The following PBX3 variants were observed in gnomAD, a reference collection of about 807,000 sequenced individuals.
PBX3 encodes PBX homeobox 3.
PBX3 carries 14 observed loss-of-function variants against 48.5 expected under a neutral mutation model. The ratio of observed to expected loss-of-function variants is 0.29; its 90% CI spans 0.19 to 0.45. The LOEUF is 0.45. Among genes scored for constraint, PBX3 ranks in the 20% least tolerant of loss-of-function variants. The pLI is 1.00. For missense variants in PBX3, 386 were observed against 546.7 expected, an observed-to-expected ratio of 0.71 and a Z score of 2.93; for synonymous variants, 210 against 200.3, an observed-to-expected ratio of 1.05 and a Z score of -0.41.
intron 2 of PBX3, among the ~76,000 whole-genome samples, chr9:125,891,743 A>ATG (rs1415040703): frequency 6.6e-6 from 1 of 152,208 alleles, no homozygotes; most frequent in East Asian, 1.9e-4. Context: ...ATGTGTATCT[A>ATG]TGTATCATTA....
At chr9:125,903,758 T>C (rs1841005431) in intron 2 of PBX3, among the ~76,000 whole-genome samples, 2 of 151,870 alleles carry the variant, frequency 1.3e-5, no homozygotes, top group South Asian at 4.1e-4. Flanking sequence ...AAAAATAAAA[T>C]AGAAATGAGT....
intron 2 of PBX3, among the ~76,000 whole-genome samples, chr9:125,849,306 C>G (rs1428904813): frequency 6.6e-6 from 1 of 151,404 alleles, no homozygotes; most frequent in African/African-American, 2.4e-5. Flanking sequence ...ATTGTGCTAT[C>G]CTTTATGTAG....
At chr9:125,812,028 T>A (rs1489558657) in intron 2 of PBX3, among the ~76,000 whole-genome samples, 1 of 152,228 alleles carries the variant, frequency 6.6e-6, no homozygotes, top group Non-Finnish European at 1.5e-5. Context: ...TTATTTGTCC[T>A]TTCTGCCTTG....
intron 5 of PBX3, among the ~76,000 whole-genome samples, chr9:125,944,772 G>A (rs1842031614): frequency 6.6e-6 from 1 of 151,980 alleles, no homozygotes; most frequent in Non-Finnish European, 1.5e-5. Flanking sequence ...TGGGGGGTGG[G>A]GGATTTTATT....
intron 2 of PBX3, among the ~76,000 whole-genome samples, chr9:125,838,675 A>G (rs1839206360): frequency 1.3e-5 from 2 of 152,206 alleles, no homozygotes; most frequent in Admixed American, 1.3e-4. Flanking sequence ...TGTTATTTAC[A>G]AGATTAAATT....
chr9:125,748,642 C>A lies in PBX3; in HGVS notation c.274+19C>A, dbSNP rs754232078. 2 of 1,608,226 alleles carry A rather than the reference C, an allele frequency of 1.2e-6. No homozygotes were observed. The highest frequency in any genetic ancestry group is 1.7e-5 in the Admixed American group (1 of 60,014). On this transcript the variant is annotated intron_variant, in intron 2 of 8. Transcript: ENST00000373489. ...AAAACAGGTAAGACGCTGCGCCCCG[C>A]AGTGGGCCTGGAGACCCCCGAGGTG... is the stretch of plus-strand genomic sequence containing the variant.
chr9:125,772,364 C>T (rs1432772437), intron 2 of PBX3, among the ~76,000 whole-genome samples: 1 of 152,132 alleles, frequency 6.6e-6, no homozygotes, highest in Non-Finnish European at 1.5e-5. Context: ...GTTAGTACTC[C>T]TAAAGTAGCT....
chr9:125,749,834 A>C (rs1294458602), intron 2 of PBX3, among the ~76,000 whole-genome samples: 6 of 152,124 alleles, frequency 3.9e-5, no homozygotes, highest in Admixed American at 2.0e-4. Context: ...AAAGATGATG[A>C]GTTATTGCTG....
intron 2 of PBX3, among the ~76,000 whole-genome samples, chr9:125,831,726 A>G (rs1838967831): frequency 6.6e-6 from 1 of 152,132 alleles, no homozygotes; most frequent in African/African-American, 2.4e-5. Context: ...AATCAGTTTC[A>G]GACATTATAC....
At chr9:125,750,192 C>T (rs929235463) in intron 2 of PBX3, among the ~76,000 whole-genome samples, 1 of 152,192 alleles carries the variant, frequency 6.6e-6, no homozygotes, top group Non-Finnish European at 1.5e-5. Context: ...CTGCTGACAG[C>T]CAAGCACTGG....
rs563901358 is a variant in PBX3, at chr9:125,797,044, C to T, written c.274+48421C>T. On this transcript the variant is annotated intron_variant, in intron 2 of 8. Coordinates refer to ENST00000373489, the MANE Select transcript of PBX3 (RefSeq NM_006195.6). The stretch of plus-strand genomic sequence containing the variant: ...GTTGAAACACCCAGTTGCCATTATG[C>T]TAATGAACGTTTATTTGTCTTATTT... Among the ~76,000 whole-genome samples, 53 of 152,030 alleles carry T rather than the reference C, an allele frequency of 3.5e-4. 1 individual carries two copies. The highest frequency in any genetic ancestry group is 1.2e-3 in the African/African-American group (49 of 41,512).
At chr9:125,763,365 A>C (rs1050815089) in intron 2 of PBX3, among the ~76,000 whole-genome samples, 2 of 152,264 alleles carry the variant, frequency 1.3e-5, no homozygotes, top group Non-Finnish European at 2.9e-5. Context: ...ATGAACAAAA[A>C]GATATTGTTA....
intron 3 of PBX3, among the ~76,000 whole-genome samples, chr9:125,929,239 G>A (rs1205712332): frequency 6.6e-6 from 1 of 152,156 alleles, no homozygotes; most frequent in Non-Finnish European, 1.5e-5. Context: ...GTTCCTTATA[G>A]CACTGGCAAG....
intron 2 of PBX3, among the ~76,000 whole-genome samples, chr9:125,850,631 T>G (rs1839552021): frequency 6.6e-6 from 1 of 152,016 alleles, no homozygotes; most frequent in Non-Finnish European, 1.5e-5. Flanking sequence ...ATTTTAAAGA[T>G]TTAGTAAGAA....
chr9:125,803,696 C>G (rs1231253683), intron 2 of PBX3, among the ~76,000 whole-genome samples: 1 of 152,156 alleles, frequency 6.6e-6, no homozygotes, highest in East Asian at 1.9e-4. Context: ...TATGATGTCA[C>G]TTTGTCATAT....
At chr9:125,747,759 G>T (rs576087428) in intron 1 of PBX3, 106 bp downstream of exon 1, 2 of 844,550 alleles carry the variant, frequency 2.4e-6, no homozygotes, top group Non-Finnish European at 3.4e-6. Flanking sequence ...AGCCCCCGGC[G>T]GGGAACTTTC....
chr9:125,966,076 A>G lies in PBX3; in HGVS notation c.*153A>G, dbSNP rs910999217. 9.7e-5 allele frequency: 51 copies of G among 523,290 alleles called. No homozygotes were observed. The highest frequency in any genetic ancestry group is 5.0e-4 in the Middle Eastern group (1 of 1,988). 32.4% of individuals were successfully genotyped at this position (523,290 alleles called of 1,614,324 possible). ...ACTTGGTAAATCTGTTTTTTAAGGA[A>G]TCATAATCATTTGTATTTATACTTA... On this transcript the variant is annotated 3_prime_UTR_variant, in exon 9 of 9. Transcript: ENST00000373489.
intron 2 of PBX3, among the ~76,000 whole-genome samples, chr9:125,768,716 C>G (rs1836863511): frequency 6.6e-6 from 1 of 152,132 alleles, no homozygotes; most frequent in Admixed American, 6.5e-5. Flanking sequence ...AAATATCTGG[C>G]CTCATACAGA....
chr9:125,780,044 G>A (rs1246071500), intron 2 of PBX3, among the ~76,000 whole-genome samples: 4 of 142,084 alleles, frequency 2.8e-5, no homozygotes, highest in Admixed American at 1.4e-4. Context: ...CCCGGACGGG[G>A]CGGCTGGCCG....
Sources: gnomAD v4.1 joint callset for allele counts (sites outside exome capture counted in the v4.1 genomes callset) on GRCh38, gnomAD v4.1.1 for gene constraint, MANE v1.5 for transcripts, NCBI Gene and HGNC (gene_info 2026-07-23, HGNC 2026-07-21) for gene names.